The following PCSK2 variants were observed in gnomAD, a reference collection of about 807,000 sequenced individuals.
The protein encoded by PCSK2 is neuroendocrine convertase 2.
PCSK2 carries 14 observed loss-of-function variants against 69.7 expected under a neutral mutation model. The ratio of observed to expected loss-of-function variants is 0.20; its 90% CI spans 0.13 to 0.31. The LOEUF (loss-of-function observed/expected upper bound fraction) is 0.31, where lower values mean the gene tolerates loss of function less well. Among genes scored for constraint, PCSK2 ranks in the 10% least tolerant of loss-of-function variants. The pLI, the probability that PCSK2 is intolerant of heterozygous loss-of-function variation, is 1.00. For synonymous variants in PCSK2, 307 were observed against 320.7 expected (o/e 0.96, Z 0.46); for missense variants, 544 against 842.5 (o/e 0.65, Z 4.39).
At chr20:17,260,460 T>C (rs960019432) in intron 2 of PCSK2, 116 bp downstream of exon 2, 11 of 699,274 alleles carry the variant, frequency 1.6e-5, no homozygotes, top group Non-Finnish European at 2.3e-5. Context: ...TGTACTATGA[T>C]AGGGCAAATG....
At chr20:17,352,788 G>A (rs892239849) in intron 2 of PCSK2, among the ~76,000 whole-genome samples, 1 of 152,174 alleles carries the variant, frequency 6.6e-6, no homozygotes, top group Non-Finnish European at 1.5e-5. Context: ...CATAGGTCTT[G>A]GTAAAGATTT....
chr20:17,285,831 A>G (rs1988494223), intron 2 of PCSK2, among the ~76,000 whole-genome samples: 1 of 152,198 alleles, frequency 6.6e-6, no homozygotes, highest in East Asian at 1.9e-4. Flanking sequence ...TCCAGGCCCC[A>G]GCACATCACA....
chr20:17,387,634 G>A (rs1209798338), intron 5 of PCSK2, among the ~76,000 whole-genome samples: 2 of 152,122 alleles, frequency 1.3e-5, no homozygotes, highest in African/African-American at 4.8e-5. Context: ...TATCTTTTAC[G>A]ATCTAGCCTC....
chr20:17,256,964 T>C (rs554983187), intron 1 of PCSK2, among the ~76,000 whole-genome samples: 104 of 152,344 alleles, frequency 6.8e-4, no homozygotes, highest in African/African-American at 2.4e-3. Context: ...TCCTTTTTTA[T>C]GGCTGCATAG....
intron 1 of PCSK2, among the ~76,000 whole-genome samples, chr20:17,250,476 G>A (rs1986933186): frequency 6.6e-6 from 1 of 152,090 alleles, no homozygotes; most frequent in African/African-American, 2.4e-5. Context: ...GGGTAAAGTG[G>A]TCTCTGCCAG....
rs182663353 is a variant in PCSK2, at chr20:17,450,888, G to A, written c.886-2854G>A. ...GGTTCTAATATATGAATTTGGGGGG[G>A]ACATATAAGTTCAAACCAAAGTAGG... On this transcript the variant is annotated intron_variant, in intron 8 of 11. Transcript: ENST00000262545. Among the ~76,000 whole-genome samples, 148 of 152,128 alleles carry A rather than the reference G, an allele frequency of 9.7e-4. 1 individual carries two copies. The highest frequency in any genetic ancestry group is 7.7e-3 in the Admixed American group (117 of 15,290).
chr20:17,253,583 T>A (rs1987071676), intron 1 of PCSK2, among the ~76,000 whole-genome samples: 1 of 152,244 alleles, frequency 6.6e-6, no homozygotes, highest in African/African-American at 2.4e-5. Context: ...TGTACATATA[T>A]ATCATTTTGT....
intron 5 of PCSK2, among the ~76,000 whole-genome samples, chr20:17,403,629 C>T (rs1287902892): frequency 1.3e-5 from 2 of 152,218 alleles, no homozygotes; most frequent in African/African-American, 2.4e-5. Context: ...TGTTACACAG[C>T]TCCTAGCTGG....
Position 17,311,827 on chromosome 20 carries a change from T to C in PCSK2, c.283-46500T>C, listed in dbSNP as rs538614105. Among the ~76,000 whole-genome samples the C allele has an allele frequency of 5.9e-5, 9 of 152,214 alleles. No individual in the cohort carries two copies. The Middle Eastern group carries it at 0.01, about 175-fold the overall frequency. ...ACTTGATTTTATAGGTTTAGTAATATCTCCAGGGAATAATTCTCTTTCCCT... is the reference window on the plus strand; with the variant it reads ...ACTTGATTTTATAGGTTTAGTAATACCTCCAGGGAATAATTCTCTTTCCCT... On this transcript the variant is annotated intron_variant, in intron 2 of 11. Transcript: ENST00000262545.
chr20:17,479,655 C>T (rs2064275), intron 11 of PCSK2, among the ~76,000 whole-genome samples: 60,241 of 151,492 alleles, frequency 0.4, 12,346 homozygotes, highest in African/African-American at 0.48. Context: ...AATAATTACC[C>T]GGGCACAGTG....
chr20:17,335,163 A>G (rs1306838562), intron 2 of PCSK2, among the ~76,000 whole-genome samples: 1 of 150,506 alleles, frequency 6.6e-6, no homozygotes, highest in Non-Finnish European at 1.5e-5. Context: ...TTGGGATGCC[A>G]TATACTTGCA....
chr20:17,337,936 A>G (rs1990401139), intron 2 of PCSK2, among the ~76,000 whole-genome samples: 1 of 151,026 alleles, frequency 6.6e-6, no homozygotes, highest in Non-Finnish European at 1.5e-5. Context: ...CTCAAAAAAA[A>G]AAAAAAGCAT....
At chr20:17,259,079 A>G (rs1446360053) in intron 1 of PCSK2, among the ~76,000 whole-genome samples, 1 of 152,088 alleles carries the variant, frequency 6.6e-6, no homozygotes, top group East Asian at 1.9e-4. Flanking sequence ...TAAAAATCTC[A>G]GATTGGCCCC....
chr20:17,363,996 G>A (rs541337880), intron 4 of PCSK2, among the ~76,000 whole-genome samples: 5 of 152,094 alleles, frequency 3.3e-5, no homozygotes, highest in Admixed American at 6.5e-5. Context: ...TTATGAATGG[G>A]AGCCTCATTC....
intron 8 of PCSK2, among the ~76,000 whole-genome samples, chr20:17,444,762 T>C (rs1173117401): frequency 1.3e-5 from 2 of 152,210 alleles, no homozygotes; most frequent in South Asian, 2.1e-4. Context: ...AACTGGAGCT[T>C]AATGCCACTG....
At chr20:17,265,762 T>A (rs1246421714) in intron 2 of PCSK2, among the ~76,000 whole-genome samples, 2 of 152,148 alleles carry the variant, frequency 1.3e-5, no homozygotes, top group Non-Finnish European at 2.9e-5. Context: ...TTTTCCCTGC[T>A]CCTCTGCACA....
intron 2 of PCSK2, among the ~76,000 whole-genome samples, chr20:17,321,983 C>T (rs1989882556): frequency 6.6e-6 from 1 of 152,010 alleles, no homozygotes; most frequent in African/African-American, 2.4e-5. Context: ...GCTACAGTAC[C>T]TGGCATTTAG....
intron 8 of PCSK2, among the ~76,000 whole-genome samples, chr20:17,437,480 C>T (rs905753601): frequency 6.6e-6 from 1 of 152,178 alleles, no homozygotes; most frequent in Non-Finnish European, 1.5e-5. Flanking sequence ...GGCCCCTTCT[C>T]TGAGACGCTG....
chr20:17,342,918 G>T (rs1335159560), intron 2 of PCSK2, among the ~76,000 whole-genome samples: 1 of 151,834 alleles, frequency 6.6e-6, no homozygotes, highest in Non-Finnish European at 1.5e-5. Flanking sequence ...AACCTCCCAA[G>T]GTGCTGGGAC....
Sources: allele counts gnomAD v4.1 joint callset (sites outside exome capture counted in the v4.1 genomes callset), GRCh38; gene constraint gnomAD v4.1.1; transcripts MANE v1.5; gene names NCBI Gene and HGNC (gene_info 2026-07-23, HGNC 2026-07-21).